The following ZFAT variants were observed in gnomAD, a reference collection of about 807,000 sequenced individuals.
ZFAT encodes the protein zinc finger protein ZFAT.
In ZFAT, 64 loss-of-function variants were observed where a neutral mutation model predicts 117.7. That is an observed-to-expected ratio of 0.54 (90% confidence interval 0.44 to 0.67). The LOEUF (loss-of-function observed/expected upper bound fraction) is 0.67, where lower values mean the gene tolerates loss of function less well. ZFAT is among the 30% of genes least tolerant of loss of function. The pLI is 0.00. For synonymous variants in ZFAT, 679 were observed against 615.0 expected, an observed-to-expected ratio of 1.10 and a Z score of -1.54; for missense variants, 1,433 against 1,584.5, an observed-to-expected ratio of 0.90 and a Z score of 1.62.
At chr8:134,631,042 T>C (rs1318159026) in intron 3 of ZFAT, among the ~76,000 whole-genome samples, 1 of 152,210 alleles carries the variant, frequency 6.6e-6, no homozygotes, top group Non-Finnish European at 1.5e-5. Flanking sequence ...TTTCTGCATA[T>C]TTTAGAGCTT....
chr8:134,532,365 A>G (rs1821480430), intron 12 of ZFAT, among the ~76,000 whole-genome samples: 1 of 152,236 alleles, frequency 6.6e-6, no homozygotes, highest in East Asian at 1.9e-4. Context: ...AAATCCCACA[A>G]TGTTCGATAA....
At chr8:134,798,492 G>A in the ZFAT span, among the ~76,000 whole-genome samples, 1 of 152,016 alleles carries the variant, frequency 6.6e-6, no homozygotes, top group African/African-American at 2.4e-5. Context: ...TTTAAAAAAT[G>A]AAGGCATGTA....
At chr8:134,809,490 T>C in the ZFAT span, among the ~76,000 whole-genome samples, 1 of 152,180 alleles carries the variant, frequency 6.6e-6, no homozygotes, top group Admixed American at 6.5e-5. Context: ...GAGGGTTCCT[T>C]GGACAAGAGA....
the ZFAT span, among the ~76,000 whole-genome samples, chr8:134,810,286 G>T: frequency 6.6e-6 from 1 of 152,110 alleles, no homozygotes; most frequent in Non-Finnish European, 1.5e-5. Context: ...TAAGCAAAAA[G>T]AGATTTCAGA....
the ZFAT span, among the ~76,000 whole-genome samples, chr8:134,813,310 G>A: frequency 6.4e-4 from 97 of 152,186 alleles, no homozygotes; most frequent in African/African-American, 2.0e-3. Flanking sequence ...TTCTTCCTAA[G>A]GCCCAGGACA....
the ZFAT span, chr8:134,785,308 A>T: frequency 1.3e-5 from 2 of 152,066 alleles, no homozygotes; most frequent in African/African-American, 4.8e-5. Flanking sequence ...AGTACCTTCC[A>T]CGTCTGTGGC....
the ZFAT span, among the ~76,000 whole-genome samples, chr8:134,755,620 T>A: frequency 6.6e-6 from 1 of 151,894 alleles, no homozygotes; most frequent in African/African-American, 2.4e-5. Context: ...AAGACCAGCC[T>A]GTCCAACATG....
chr8:134,667,824 G>A (rs532910244), intron 1 of ZFAT, among the ~76,000 whole-genome samples: 4 of 152,236 alleles, frequency 2.6e-5, no homozygotes, highest in East Asian at 1.9e-4. Context: ...CACCTCACCC[G>A]GGAAGTAAGG....
At chr8:134,489,652 T>A (rs147855961) in intron 15 of ZFAT, among the ~76,000 whole-genome samples, 246 of 152,244 alleles carry the variant, frequency 1.6e-3, no homozygotes, top group African/African-American at 5.6e-3. Context: ...AGGGCTCTTC[T>A]CTCTCCACAT....
chr8:134,823,501 T>C, the ZFAT span, among the ~76,000 whole-genome samples: 1 of 152,196 alleles, frequency 6.6e-6, no homozygotes, highest in Non-Finnish European at 1.5e-5. Flanking sequence ...AATATTATCA[T>C]TGTGTTCATT....
chr8:134,801,400 G>A, the ZFAT span, among the ~76,000 whole-genome samples: 8 of 152,150 alleles, frequency 5.3e-5, no homozygotes, highest in Admixed American at 1.3e-4. Flanking sequence ...TCAAAGAAGA[G>A]GAAATCTTCA....
At chr8:134,734,268 A>G in the ZFAT span, among the ~76,000 whole-genome samples, 3 of 152,120 alleles carry the variant, frequency 2.0e-5, no homozygotes, top group Admixed American at 6.5e-5. Context: ...TACTCCTGCC[A>G]CTTCTGCCAC....
the ZFAT span, among the ~76,000 whole-genome samples, chr8:134,726,204 G>A: frequency 6.6e-6 from 1 of 152,052 alleles, no homozygotes; most frequent in African/African-American, 2.4e-5. Context: ...GAAAGGAAAC[G>A]AAGTAAAGTA....
the ZFAT span, among the ~76,000 whole-genome samples, chr8:134,820,731 C>G: frequency 1.9e-3 from 291 of 152,266 alleles, 2 homozygotes; most frequent in African/African-American, 6.6e-3. Context: ...CTGATGTCAA[C>G]AGAATAAGAA....
At chr8:134,783,275 G>A in the ZFAT span, among the ~76,000 whole-genome samples, 406 of 152,180 alleles carry the variant, frequency 2.7e-3, 4 homozygotes, top group African/African-American at 8.7e-3. Context: ...GACCAGTATC[G>A]GTCCATGCCC....
chr8:134,696,103 A>T (rs1158542347), intron 1 of ZFAT, among the ~76,000 whole-genome samples: 4 of 147,770 alleles, frequency 2.7e-5, no homozygotes, highest in African/African-American at 1.0e-4. Context: ...CCCTGCCCGC[A>T]TTTCTAACCA....
At chr8:134,562,177 T>C (rs998772527) in intron 11 of ZFAT, among the ~76,000 whole-genome samples, 1 of 152,126 alleles carries the variant, frequency 6.6e-6, no homozygotes, top group Non-Finnish European at 1.5e-5. Flanking sequence ...GGAGTGGCCA[T>C]GAGCCAAGGA....
At chr8:134,593,281 A>G (rs574955361) in intron 7 of ZFAT, among the ~76,000 whole-genome samples, 1 of 151,364 alleles carries the variant, frequency 6.6e-6, no homozygotes, top group Non-Finnish European at 1.5e-5. Context: ...CTCAGAGCTT[A>G]TCAGGGGCCC....
chr8:134,744,727 CTTTTTTTTT>C, the ZFAT span, among the ~76,000 whole-genome samples: 1 of 103,518 alleles, frequency 9.7e-6, no homozygotes, highest in African/African-American at 3.8e-5. Context: ...GCCTACTCTC[CTTTTTTTTT>C]TTTTTTTTTT....
Sources: allele counts gnomAD v4.1 joint callset (sites outside exome capture counted in the v4.1 genomes callset), GRCh38; gene constraint gnomAD v4.1.1; transcripts MANE v1.5; gene names NCBI Gene and HGNC (gene_info 2026-07-23, HGNC 2026-07-21).